Variants in TPTE2 observed in about 807,000 individuals in gnomAD.
The protein encoded by TPTE2 is transmembrane phosphoinositide 3-phosphatase and tensin homolog 2, also known as phosphatidylinositol 3,4,5-trisphosphate 3-phosphatase TPTE2.
Under a neutral mutation model 78.6 loss-of-function variants are expected in TPTE2, and 53 were observed. That is an observed-to-expected ratio of 0.67 (90% CI 0.54 to 0.85). TPTE2 has a LOEUF of 0.85. TPTE2 is among the 40% of genes least tolerant of loss of function. The pLI, the probability that TPTE2 is intolerant of heterozygous loss-of-function variation, is 0.00. For synonymous variants in TPTE2, 175 were observed against 206.2 expected (o/e 0.85, Z 1.30); for missense variants, 461 against 623.0 (o/e 0.74, Z 2.77).
At chr13:19,451,090 A>G in intron 11 of TPTE2, 75 bp downstream of exon 14, 1 of 1,557,980 alleles carries the variant, frequency 6.4e-7, no homozygotes, top group Non-Finnish European at 8.7e-7. Flanking sequence ...TGCAATCTAA[A>G]AAGCAAAATC....
At chr13:19,525,203 C>A (rs1870421931) in intron 1 of TPTE2, among the ~76,000 whole-genome samples, 1 of 152,084 alleles carries the variant, frequency 6.6e-6, no homozygotes, top group Admixed American at 6.6e-5. Context: ...AAAATTAGTA[C>A]AACTTGTGAT....
chr13:19,512,573 C>T (rs1439607061), intron 1 of TPTE2, among the ~76,000 whole-genome samples: 5 of 106,694 alleles, frequency 4.7e-5, no homozygotes, highest in Admixed American at 2.6e-4. Flanking sequence ...AGATAATCTG[C>T]ACAGGAAACA....
In TPTE2 at chr13:19,493,512, A is replaced by G. The variant is rs750159562; in HGVS notation, c.12-11T>C. ...TCGTTTGTCTGTGGACTAGCGGATG[A>G]TAAGAGAATACAGTCAGAGAGGAGA... On this transcript the variant is annotated splice_polypyrimidine_tract_variant and intron_variant, in intron 1 of 19. Transcript: ENST00000400230. 2.6e-5 allele frequency: 42 copies of G among 1,613,126 alleles called. No individual in the cohort carries two copies. The highest frequency in any genetic ancestry group is 2.0e-5 in the Non-Finnish European group (24 of 1,179,540).
At chr13:19,542,868 A>G in the TPTE2 span, among the ~76,000 whole-genome samples, 2 of 151,672 alleles carry the variant, frequency 1.3e-5, no homozygotes, top group African/African-American at 4.8e-5. Flanking sequence ...GTGTGAGCCT[A>G]TGGTCCCAGC....
intron 13 of TPTE2, among the ~76,000 whole-genome samples, chr13:19,446,296 C>G (rs1409436810): frequency 2.0e-5 from 3 of 152,064 alleles, no homozygotes; most frequent in Non-Finnish European, 4.4e-5. Flanking sequence ...TTTATCAAAC[C>G]ATATTATAAA....
intron 1 of TPTE2, among the ~76,000 whole-genome samples, chr13:19,508,505 G>A (rs908021480): frequency 6.6e-5 from 10 of 152,008 alleles, no homozygotes; most frequent in Admixed American, 1.3e-4. Flanking sequence ...AGCCTTAACT[G>A]TAAAAGTATG....
chr13:19,459,819 T>C (rs1329581529), intron 10 of TPTE2, among the ~76,000 whole-genome samples: 4 of 152,140 alleles, frequency 2.6e-5, no homozygotes, highest in African/African-American at 9.7e-5. Context: ...CTTGTCCAGA[T>C]TGTCTGTATT....
At chr13:19,539,797 G>A (rs553340967), upstream of TPTE2, among the ~76,000 whole-genome samples, 12 of 152,098 alleles carry the variant, frequency 7.9e-5, no homozygotes, top group Non-Finnish European at 1.3e-4. Context: ...GCTCTTCTTG[G>A]TTCTTTGTTT....
chr13:19,434,960 T>C (rs568094611), intron 15 of TPTE2, among the ~76,000 whole-genome samples: 11 of 152,350 alleles, frequency 7.2e-5, no homozygotes, highest in Admixed American at 1.3e-4. Flanking sequence ...TAGTAGTGCC[T>C]ACTCATAGAG....
intron 4 of TPTE2, among the ~76,000 whole-genome samples, chr13:19,479,151 A>C (rs1463508774): frequency 2.0e-5 from 3 of 152,228 alleles, no homozygotes; most frequent in Non-Finnish European, 4.4e-5. Flanking sequence ...TAGAACTTAA[A>C]GTATAATAAT....
chr13:19,431,619 C>T (rs1488126910), intron 16 of TPTE2, among the ~76,000 whole-genome samples: 867 of 151,824 alleles, frequency 5.7e-3, no homozygotes, highest in African/African-American at 0.019. Flanking sequence ...CCATGATATT[C>T]ATTTGTCATT....
At chr13:19,439,779 TA>T (rs1188817277) in intron 13 of TPTE2, among the ~76,000 whole-genome samples, 12 of 152,142 alleles carry the variant, frequency 7.9e-5, no homozygotes, top group African/African-American at 2.7e-4. Flanking sequence ...CTTCTGGAAC[TA>T]AAAAAATTCA....
intron 10 of TPTE2, among the ~76,000 whole-genome samples, chr13:19,461,839 T>C (rs1025664611): frequency 6.6e-6 from 1 of 152,176 alleles, no homozygotes; most frequent in Non-Finnish European, 1.5e-5. Context: ...TTGGTTTCTG[T>C]TTGCCTGGAA....
chr13:19,493,587 C>T lies in TPTE2; in HGVS notation c.12-86G>A, dbSNP rs765228256. The T allele has an allele frequency of 2.5e-6, 3 of 1,186,934 alleles. No homozygotes were observed. The South Asian group carries it at 3.6e-5, about 14-fold the overall frequency. 73.5% of individuals were successfully genotyped at this position (1,186,934 alleles called of 1,614,324 possible). On this transcript the variant is annotated intron_variant, in intron 1 of 19. Transcript: ENST00000400230. Reference sequence around the variant, plus strand: ...AAAAATTACCTTTCATTACTCTAGACAGAAACCAATTAATTTCTGACTATT... The same window carrying T: ...AAAAATTACCTTTCATTACTCTAGATAGAAACCAATTAATTTCTGACTATT...
chr13:19,448,427 G>A lies in TPTE2; in HGVS notation c.973+1649C>T, dbSNP rs530089512. ...AGAAATATCTACAAAGCATACATTC[G>A]ATAATAGGTTAACAGATTTTTTAAA... On this transcript the variant is annotated intron_variant, in intron 13 of 19. Coordinates refer to ENST00000400230, the Ensembl canonical transcript of TPTE2. 2.6e-5 allele frequency among the ~76,000 whole-genome samples: 4 copies of A among 152,174 alleles called. No homozygotes were observed. In the South Asian group the frequency reaches 6.2e-4, roughly 24 times the overall value.
At chr13:19,440,796 CAAAA>C (rs1877439299) in intron 13 of TPTE2, among the ~76,000 whole-genome samples, 1 of 149,676 alleles carries the variant, frequency 6.7e-6, no homozygotes, top group Non-Finnish European at 1.5e-5. Context: ...AACAAACAAA[CAAAA>C]AACAGGCTGG....
At chr13:19,542,188 T>C in the TPTE2 span, among the ~76,000 whole-genome samples, 2 of 152,156 alleles carry the variant, frequency 1.3e-5, no homozygotes, top group Non-Finnish European at 2.9e-5. Flanking sequence ...CAGGTCTTGC[T>C]CTGTCACTCA....
chr13:19,453,048 A>G (rs1878293026), intron 10 of TPTE2, among the ~76,000 whole-genome samples: 1 of 140,726 alleles, frequency 7.1e-6, no homozygotes. Flanking sequence ...TTATTTTGAG[A>G]TGGAGTTTCA....
rs772507067 is a variant in TPTE2, at chr13:19,451,133, T to C, written c.802+32A>G. Reference sequence around the variant, plus strand: ...TACGTGCAGTAATCTGTTTTCTACCTACAGTAGCAAAATATAGAGTAATGT... The same window carrying C: ...TACGTGCAGTAATCTGTTTTCTACCCACAGTAGCAAAATATAGAGTAATGT... On this transcript the variant is annotated intron_variant, in intron 11 of 19. Transcript: ENST00000400230. 2.3e-5 allele frequency: 37 copies of C among 1,608,706 alleles called. No homozygotes were observed. In the Middle Eastern group the frequency reaches 6.6e-4, roughly 29 times the overall value.
Sources: allele counts gnomAD v4.1 joint callset (sites outside exome capture counted in the v4.1 genomes callset), GRCh38; gene constraint gnomAD v4.1.1; transcripts MANE v1.5; gene names NCBI Gene and HGNC (gene_info 2026-07-23, HGNC 2026-07-21).